TSPAN2: variants seen among roughly 807,000 people sequenced by gnomAD.
The protein encoded by TSPAN2 is tetraspanin 2.
TSPAN2 carries 24 observed loss-of-function variants against 33.3 expected under a neutral mutation model. That is an observed-to-expected ratio of 0.72 (90% CI 0.52 to 1.01). The LOEUF is 1.01. Among genes scored for constraint, TSPAN2 ranks in the 50% least tolerant of loss-of-function variants. The probability of loss-of-function intolerance (pLI) is 0.00; values close to 1 mark genes in which losing one functional copy is unlikely to be tolerated. For missense variants in TSPAN2, 278 were observed against 281.3 expected (o/e 0.99, Z 0.08); for synonymous variants, 114 against 104.5 (o/e 1.09, Z -0.56).
chr1:115,079,612 A>C (rs1648548074), intron 1 of TSPAN2, among the ~76,000 whole-genome samples: 1 of 152,240 alleles, frequency 6.6e-6, no homozygotes, highest in Admixed American at 6.5e-5. Context: ...AAAAAATACA[A>C]GAATTGAATG....
At position 115,060,491 on chromosome 1, in the gene TSPAN2, T is replaced by C; in HGVS notation, c.318A>G (p.Gly106=). ...CCCCCTTGCCTATAAAAGCAAATAC[T>C]CCAGTGGTTACTTCAGCAGCAAATA... is the stretch of plus-strand genomic sequence containing the variant. ...LVIFAAEVTT[G]VFAFIGKGVA... The change falls in exon 4 of 8, where the codon GGA becomes GGG. Residue 106 remains glycine (G), a synonymous_variant. Transcript: ENST00000369516. 6.2e-7 allele frequency: 1 copy of C among 1,613,666 alleles called. No homozygotes were observed. Among genetic ancestry groups the C allele is most frequent in the Non-Finnish European group, 8.5e-7 (1 of 1,179,734 alleles).
At chr1:115,087,287 AAC>A (rs1292562810) in intron 1 of TSPAN2, among the ~76,000 whole-genome samples, 3 of 151,926 alleles carry the variant, frequency 2.0e-5, no homozygotes, top group Non-Finnish European at 4.4e-5. Context: ...CACTTTTGAG[AAC>A]CACTGGTTAA....
intron 1 of TSPAN2, among the ~76,000 whole-genome samples, chr1:115,076,284 G>A (rs1158375142): frequency 2.6e-5 from 4 of 152,178 alleles, no homozygotes; most frequent in South Asian, 4.1e-4. Flanking sequence ...AGAGTCTGGG[G>A]GAGGTCGGAG....
intron 1 of TSPAN2, among the ~76,000 whole-genome samples, chr1:115,083,782 A>C (rs1314561828): frequency 1.3e-5 from 2 of 152,224 alleles, no homozygotes; most frequent in African/African-American, 4.8e-5. Flanking sequence ...GTCAGTGCAC[A>C]CAACTACCTT....
chr1:115,089,275 G>T, intron 1 of TSPAN2, 89 bp downstream of exon 1: 2 of 1,232,142 alleles, frequency 1.6e-6, no homozygotes, highest in Non-Finnish European at 1.1e-6. Context: ...GCGCGACTCG[G>T]ACGCCGCAGT....
At chr1:115,059,738 C>T (rs1647594091) in intron 4 of TSPAN2, among the ~76,000 whole-genome samples, 1 of 152,194 alleles carries the variant, frequency 6.6e-6, no homozygotes, top group Non-Finnish European at 1.5e-5. Context: ...TGAATTTAAA[C>T]TAACCTATGA....
At chr1:115,062,103 CA>C in intron 3 of TSPAN2, 31 bp downstream of exon 3, 1 of 1,491,370 alleles carries the variant, frequency 6.7e-7, no homozygotes, top group Non-Finnish European at 9.2e-7. Context: ...CCCTCACCCC[CA>C]CCCCACCATT....
At chr1:115,064,557 A>G (rs1223752019) in intron 2 of TSPAN2, among the ~76,000 whole-genome samples, 1 of 148,578 alleles carries the variant, frequency 6.7e-6, no homozygotes, top group Non-Finnish European at 1.5e-5. Context: ...TTAGTCTCTC[A>G]TTATAGATTT....
chr1:115,050,532 C>T lies in TSPAN2; in HGVS notation c.624G>A (p.Met208Ile). 6.2e-7 allele frequency: 1 copy of T among 1,613,976 alleles called. No individual in the cohort carries two copies. The highest frequency in any genetic ancestry group is 1.1e-5 in the South Asian group (1 of 91,070). The stretch of plus-strand genomic sequence containing the variant: ...AGTTTCGTATCGCACAGCAGAGGAC[C>T]ATGCTGAATATCATGCCAAAGATCT... ...GLTIFGMIFS[M>I]VLCCAIRNSR... is the part of the protein sequence containing the mutation. The change falls in exon 8 of 8, where the codon ATG becomes ATA. Residue 208 changes from methionine to isoleucine, a missense_variant. Physicochemically the swap from Met to Ile is conservative, Grantham distance 10. Coordinates refer to ENST00000369516, the MANE Select transcript of TSPAN2 (RefSeq NM_005725.6).
chr1:115,072,585 A>ATTTCCTTGAGACTTC (rs1208758563), intron 2 of TSPAN2, among the ~76,000 whole-genome samples: 2 of 152,040 alleles, frequency 1.3e-5, no homozygotes, highest in African/African-American at 2.4e-5. Flanking sequence ...TTTTAGCTGC[A>ATTTCCTTGAGACTTC]TTTCCTTGAG....
In TSPAN2 at chr1:115,050,372, T is replaced by C. The variant is rs1675280702; in HGVS notation, c.*118A>G. On this transcript the variant is annotated 3_prime_UTR_variant, in exon 8 of 8. Transcript: ENST00000369516. The stretch of plus-strand genomic sequence containing the variant: ...CATACGTACTCATGCAAATGTACAA[T>C]TGACAGCAAATTATTTTAGATCCTA... The C allele has an allele frequency of 9.6e-6, 9 of 939,492 alleles. No homozygotes were observed. The highest frequency in any genetic ancestry group is 2.7e-5 in the South Asian group (2 of 73,202). The allele number at this position is 939,492 out of a possible 1,614,324, so 58.2% of individuals were successfully genotyped here.
chr1:115,068,561 C>G (rs1270838407), intron 2 of TSPAN2, among the ~76,000 whole-genome samples: 1 of 152,142 alleles, frequency 6.6e-6, no homozygotes, highest in Non-Finnish European at 1.5e-5. Flanking sequence ...TATCTGGAAC[C>G]TATTCTGAAA....
chr1:115,069,007 C>T (rs1287573080), intron 2 of TSPAN2, among the ~76,000 whole-genome samples: 1 of 152,176 alleles, frequency 6.6e-6, no homozygotes, highest in Admixed American at 6.5e-5. Context: ...GGTGTTTATC[C>T]ACAGCCTGTA....
rs1490519101 is a variant in TSPAN2 at position 115,048,366 on chromosome 1, T to C, written c.*2124A>G. The C allele has an allele frequency of 6.6e-6, 1 of 151,030 alleles. No individual in the cohort carries two copies. Among genetic ancestry groups the C allele is most frequent in the African/African-American group, 2.4e-5 (1 of 41,220 alleles). 9.4% of individuals were successfully genotyped at this position (151,030 alleles called of 1,614,324 possible). Reference sequence around the variant, plus strand: ...GTGTGTATATATATCCACACACACATATAAAATCTATTGTTGCTTAGTGGT... The same window carrying C: ...GTGTGTATATATATCCACACACACACATAAAATCTATTGTTGCTTAGTGGT... On this transcript the variant is annotated 3_prime_UTR_variant, in exon 8 of 8. Transcript: ENST00000369516.
intron 2 of TSPAN2, among the ~76,000 whole-genome samples, chr1:115,071,231 T>G (rs186655729): frequency 4.7e-4 from 72 of 152,308 alleles, no homozygotes; most frequent in Admixed American, 4.0e-3. Context: ...CATGATTGGT[T>G]TAGGCATGAA....
chr1:115,065,269 G>T (rs546276493), intron 2 of TSPAN2, among the ~76,000 whole-genome samples: 1 of 152,304 alleles, frequency 6.6e-6, no homozygotes, highest in Non-Finnish European at 1.5e-5. Flanking sequence ...GCCACCTGTG[G>T]CTTCCAAGGA....
intron 1 of TSPAN2, among the ~76,000 whole-genome samples, chr1:115,079,062 T>C (rs141528232): frequency 2.2e-4 from 33 of 151,844 alleles, no homozygotes; most frequent in African/African-American, 5.6e-4. Context: ...AGAATAAATC[T>C]ACACAATGTA....
At chr1:115,089,335 T>C in intron 1 of TSPAN2, 29 bp downstream of exon 1, 7 of 1,314,914 alleles carry the variant, frequency 5.3e-6, no homozygotes, top group South Asian at 1.3e-5. Flanking sequence ...CCCCCTGCCC[T>C]GACCGGCCCT....
intron 6 of TSPAN2, 24 bp downstream of exon 6, chr1:115,057,513 G>T (rs1647478749): frequency 6.2e-7 from 1 of 1,609,820 alleles, no homozygotes; most frequent in Non-Finnish European, 8.5e-7. Context: ...TACAGGTAGA[G>T]TAAGAACCTT....
Sources: allele counts gnomAD v4.1 joint callset (sites outside exome capture counted in the v4.1 genomes callset), GRCh38; gene constraint gnomAD v4.1.1; transcripts MANE v1.5; gene names NCBI Gene and HGNC (gene_info 2026-07-23, HGNC 2026-07-21).